Variants in ATP10D observed in about 807,000 individuals in gnomAD.
ATP10D encodes ATPase phospholipid transporting 10D (putative).
In ATP10D, 89 loss-of-function variants were observed where a neutral mutation model predicts 144.8. The ratio of observed to expected loss-of-function variants is 0.61; its 90% CI spans 0.52 to 0.73. The LOEUF is 0.73. Among genes scored for constraint, ATP10D ranks in the 30% least tolerant of loss-of-function variants. The pLI is 0.00. For synonymous variants in ATP10D, 571 were observed against 615.1 expected, an observed-to-expected ratio of 0.93 and a Z score of 1.06; for missense variants, 1,603 against 1,714.8, an observed-to-expected ratio of 0.93 and a Z score of 1.15.
intron 1 of ATP10D, among the ~76,000 whole-genome samples, chr4:47,499,024 CTG>C (rs2109388015): frequency 6.6e-6 from 1 of 152,296 alleles, no homozygotes; most frequent in South Asian, 2.1e-4. Flanking sequence ...GAGCACGTAT[CTG>C]TGTGCTAGCT....
intron 1 of ATP10D, among the ~76,000 whole-genome samples, chr4:47,494,764 G>T (rs1055548209): frequency 2.0e-5 from 3 of 152,060 alleles, no homozygotes; most frequent in African/African-American, 7.2e-5. Flanking sequence ...AAGTATAACT[G>T]ACTTATTTTT....
intron 1 of ATP10D, among the ~76,000 whole-genome samples, chr4:47,510,901 A>T (rs1367864391): frequency 6.6e-6 from 1 of 152,198 alleles, no homozygotes; most frequent in African/African-American, 2.4e-5. Context: ...TCAACCTTTT[A>T]AAAAAAGTCA....
At chr4:47,579,342 A>T (rs1265526491) in intron 19 of ATP10D, among the ~76,000 whole-genome samples, 6 of 152,228 alleles carry the variant, frequency 3.9e-5, no homozygotes. Context: ...TAGTCGCTTG[A>T]ATAAAAGAGT....
rs577239607 is a variant in ATP10D, at chr4:47,543,708, T to A, written c.1397-2916T>A. Among the ~76,000 whole-genome samples, 8 of 152,286 alleles carry A rather than the reference T, an allele frequency of 5.3e-5. No individual in the cohort carries two copies. The South Asian group carries it at 1.7e-3, about 32-fold the overall frequency. On this transcript the variant is annotated intron_variant, in intron 9 of 22. Coordinates refer to ENST00000273859, the MANE Select transcript of ATP10D (RefSeq NM_020453.4). ...CCAGCTCCACCCACAACTAGCTGTTTAATCATGGTTGAACTGCTTAATCTC... is the reference window on the plus strand; with the variant it reads ...CCAGCTCCACCCACAACTAGCTGTTAAATCATGGTTGAACTGCTTAATCTC...
At chr4:47,551,087 T>A (rs1718711206) in intron 10 of ATP10D, among the ~76,000 whole-genome samples, 1 of 152,192 alleles carries the variant, frequency 6.6e-6, no homozygotes, top group Non-Finnish European at 1.5e-5. Flanking sequence ...CCTCCTGTTT[T>A]TTGCCTAATT....
intron 15 of ATP10D, 73 bp downstream of exon 15, chr4:47,563,838 C>A: frequency 7.7e-7 from 1 of 1,292,856 alleles, no homozygotes; most frequent in Non-Finnish European, 1.0e-6. Flanking sequence ...TTGATGTATG[C>A]AAGGATTAAA....
chr4:47,518,997 T>C (rs1022772608), intron 3 of ATP10D, among the ~76,000 whole-genome samples: 53 of 152,304 alleles, frequency 3.5e-4, no homozygotes, highest in African/African-American at 9.6e-4. Context: ...AACCACAACA[T>C]TGATTCAAAA....
At chr4:47,530,506 G>A (rs1347283670) in intron 5 of ATP10D, among the ~76,000 whole-genome samples, 1 of 152,078 alleles carries the variant, frequency 6.6e-6, no homozygotes, top group African/African-American at 2.4e-5. Context: ...TCCCAGGCTA[G>A]AGCAGAGTGG....
chr4:47,539,478 C>CT (rs970859839), intron 9 of ATP10D, among the ~76,000 whole-genome samples: 18 of 151,662 alleles, frequency 1.2e-4, no homozygotes, highest in Non-Finnish European at 2.1e-4. Context: ...CTTTTGGGGT[C>CT]TTTTTTTTAA....
At chr4:47,540,444 A>G (rs565855292) in intron 9 of ATP10D, among the ~76,000 whole-genome samples, 8 of 152,350 alleles carry the variant, frequency 5.3e-5, no homozygotes, top group Admixed American at 1.3e-4. Context: ...CAGAGCTTCA[A>G]TTAAATGCAT....
chr4:47,537,202 A>T (rs996698750), intron 9 of ATP10D, among the ~76,000 whole-genome samples: 1 of 152,144 alleles, frequency 6.6e-6, no homozygotes, highest in Non-Finnish European at 1.5e-5. Flanking sequence ...GATGACAATG[A>T]TACTGTACTA....
chr4:47,555,553 A>G (rs983735694), intron 11 of ATP10D, among the ~76,000 whole-genome samples: 4 of 152,162 alleles, frequency 2.6e-5, no homozygotes, highest in African/African-American at 9.7e-5. Context: ...GGGAGGTGGG[A>G]TTTGAACCTA....
Position 47,576,967 on chromosome 4 carries a change from A to G in ATP10D, c.3561A>G (p.Lys1187=). The G allele has an allele frequency of 6.2e-7, 1 of 1,614,140 alleles. No homozygotes were observed. Among genetic ancestry groups the G allele is most frequent in the Non-Finnish European group, 8.5e-7 (1 of 1,179,964 alleles). The change falls in exon 19 of 23, where the codon AAA becomes AAG. Residue 1187 remains lysine, a synonymous_variant. Transcript: ENST00000273859. ...CTGAACTTTACAGAAGTGGTCAGAA[A>G]TCAGAGGTAGGTGTTAAAGCAAGAG... The part of the protein sequence containing the change: ...QLPELYRSGQ[K]SEAYLPHTFW...
Position 47,522,995 on chromosome 4 carries a change from C to CT in ATP10D, c.486-9dup, listed in dbSNP as rs760644127. ...ACTTGATATTCTTTTTTTTTTTTAACTTTTTTTTAATTACAGGAAAGAGAA... is the reference window on the plus strand; with the variant it reads ...ACTTGATATTCTTTTTTTTTTTTAACTTTTTTTTTAATTACAGGAAAGAGAA... On this transcript the variant is annotated splice_polypyrimidine_tract_variant and intron_variant, in intron 3 of 22. Transcript: ENST00000273859. The CT allele has an allele frequency of 1.1e-5, 16 of 1,492,368 alleles. No homozygotes were observed. The highest frequency in any genetic ancestry group is 7.0e-5 in the East Asian group (3 of 43,020). 92.4% of individuals were successfully genotyped at this position (1,492,368 alleles called of 1,614,324 possible). A position where few individuals can be genotyped will look rare whatever the true frequency, so the allele number is the denominator to read the frequency against.
intron 18 of ATP10D, among the ~76,000 whole-genome samples, chr4:47,575,924 C>CTTTTT (rs564960460): frequency 2.3e-4 from 19 of 82,290 alleles, no homozygotes; most frequent in Non-Finnish European, 3.2e-4. Flanking sequence ...ACTGGGGTCC[C>CTTTTT]TTTTTTTTTT....
intron 2 of ATP10D, 33 bp from the exon 3 acceptor site, chr4:47,515,443 C>G (rs768763145): frequency 3.8e-6 from 6 of 1,572,090 alleles, no homozygotes; most frequent in Non-Finnish European, 5.2e-6. Flanking sequence ...GAAGTAACTT[C>G]TTAACACCTC....
chr4:47,536,856 T>C lies in ATP10D; in HGVS notation c.1314T>C (p.Asp438=), dbSNP rs777251060. 7 of 1,613,472 alleles carry C rather than the reference T, an allele frequency of 4.3e-6. No individual in the cohort carries two copies. Among genetic ancestry groups the C allele is most frequent in the Non-Finnish European group, 5.9e-6 (7 of 1,179,726 alleles). The change falls in exon 9 of 23, where the codon GAT becomes GAC. Residue 438 remains aspartate (D), a synonymous_variant. Coordinates refer to ENST00000273859, the MANE Select transcript of ATP10D (RefSeq NM_020453.4). The part of the protein sequence containing the change: ...DLGQIQYLFS[D]KTGTLTENKM... ...GACAGATTCAGTACCTCTTTTCCGA[T>C]AAGACAGGAACCCTCACTGAGAATA...
intron 1 of ATP10D, chr4:47,491,599 T>A: frequency 3.0e-6 from 1 of 329,910 alleles, no homozygotes; most frequent in Non-Finnish European, 5.7e-6. Flanking sequence ...AGTCAGGGCT[T>A]CAGTTTGGTC....
intron 9 of ATP10D, among the ~76,000 whole-genome samples, chr4:47,543,662 C>T (rs1718271333): frequency 6.6e-6 from 1 of 152,116 alleles, no homozygotes; most frequent in Non-Finnish European, 1.5e-5. Flanking sequence ...GCTTTGGAGG[C>T]AGAAGACCTA....
Sources: allele counts gnomAD v4.1 joint callset (sites outside exome capture counted in the v4.1 genomes callset), GRCh38; gene constraint gnomAD v4.1.1; transcripts MANE v1.5; gene names NCBI Gene and HGNC (gene_info 2026-07-23, HGNC 2026-07-21).